The following PCDH10 variants were observed in gnomAD, a reference collection of about 807,000 sequenced individuals.
PCDH10 encodes the protein protocadherin-10.
In PCDH10, 15 loss-of-function variants were observed where a neutral mutation model predicts 74.4. That is an observed-to-expected ratio of 0.20 (90% CI 0.13 to 0.31). The LOEUF is 0.31. Among genes scored for constraint, PCDH10 ranks in the 10% least tolerant of loss-of-function variants. The pLI, the probability that PCDH10 is intolerant of heterozygous loss-of-function variation, is 1.00. For missense variants in PCDH10, 1,260 were observed against 1,390.2 expected, an observed-to-expected ratio of 0.91 and a Z score of 1.49; for synonymous variants, 619 against 589.8, an observed-to-expected ratio of 1.05 and a Z score of -0.72.
chr4:133,154,811 A>G, intron 2 of PCDH10, 106 bp from the exon 3 acceptor site: 4 of 740,682 alleles, frequency 5.4e-6, no homozygotes, highest in Non-Finnish European at 9.3e-6. Context: ...GCCAACTAAG[A>G]GGTCTGTGAG....
rs1199838796 is a variant in PCDH10, at chr4:133,193,984, T to C, written c.*3824T>C. On this transcript the variant is annotated 3_prime_UTR_variant, in exon 5 of 5. Coordinates refer to ENST00000264360, the MANE Select transcript of PCDH10 (RefSeq NM_032961.3). ...GTTAGTACTTCAACAAACATCCCTC[T>C]GCTAAGTCAGACAAAATCCTTATAC... 1 of 151,772 alleles carries C rather than the reference T, an allele frequency of 6.6e-6. No individual in the cohort carries two copies. The highest frequency in any genetic ancestry group is 1.5e-5 in the Non-Finnish European group (1 of 67,746). 9.4% of individuals were successfully genotyped at this position (151,772 alleles called of 1,614,324 possible).
In PCDH10 at chr4:133,152,635, C is replaced by T; in HGVS notation, c.2495C>T (p.Thr832Ile). Residue 832 changes from threonine to isoleucine, a missense_variant, in exon 1 of 5, where the codon ACC (threonine) becomes ATC (isoleucine). By Grantham distance (89) the Thr-to-Ile change is moderately conservative (BLOSUM62 -1). Coordinates refer to ENST00000264360, the MANE Select transcript of PCDH10 (RefSeq NM_032961.3). Reference protein sequence around the residue: ...QVCLTPESAKTDLMFLKPCSP... With the variant: ...QVCLTPESAKIDLMFLKPCSP... ...TGCCTGACCCCTGAGTCCGCCAAGA[C>T]CGACCTGATGTTTCTTAAGCCCTGC... The T allele has an allele frequency of 6.2e-7, 1 of 1,614,222 alleles. No homozygotes were observed. The highest frequency in any genetic ancestry group is 1.6e-4 in the Middle Eastern group (1 of 6,062).
intron 3 of PCDH10, among the ~76,000 whole-genome samples, chr4:133,155,969 T>G (rs1282177388): frequency 6.6e-6 from 1 of 152,222 alleles, no homozygotes; most frequent in Non-Finnish European, 1.5e-5. Context: ...ATTTGACACA[T>G]GAAGAAATAG....
chr4:133,171,680 T>C (rs1035785331), intron 4 of PCDH10, among the ~76,000 whole-genome samples: 6 of 152,120 alleles, frequency 3.9e-5, no homozygotes, highest in Non-Finnish European at 7.4e-5. Flanking sequence ...AGTCTATAGA[T>C]AAGAGAGTTA....
rs762102302 is a variant in PCDH10, at chr4:133,152,412, C to T, written c.2272C>T (p.Leu758Phe). Residue 758 changes from leucine to phenylalanine, a missense_variant, in exon 1 of 5, where the codon CTC becomes TTC. Coordinates refer to ENST00000264360, the MANE Select transcript of PCDH10 (RefSeq NM_032961.3). ...IYTCLASDCCLCCCCCGGGGS... is the reference protein window; with the variant it reads ...IYTCLASDCCFCCCCCGGGGS... ...TACTTGTCTGGCCAGCGATTGCTGCCTCTGCTGCTGCTGCTGCGGTGGCGG... is the reference window on the plus strand; with the variant it reads ...TACTTGTCTGGCCAGCGATTGCTGCTTCTGCTGCTGCTGCTGCGGTGGCGG... 29 of 1,614,056 alleles carry T rather than the reference C, an allele frequency of 1.8e-5. No homozygotes were observed. The South Asian group carries it at 2.9e-4, about 16-fold the overall frequency.
downstream of PCDH10, among the ~76,000 whole-genome samples, chr4:133,198,303 T>C (rs1379705451): frequency 6.6e-6 from 1 of 152,030 alleles, no homozygotes. Flanking sequence ...AAAATTGAAT[T>C]AAAGGCAGAG....
At position 133,193,045 on chromosome 4, in the gene PCDH10, C is replaced by G. The variant is rs1727714312; in HGVS notation, c.*2885C>G. On this transcript the variant is annotated 3_prime_UTR_variant, in exon 5 of 5. Coordinates refer to ENST00000264360, the MANE Select transcript of PCDH10 (RefSeq NM_032961.3). ...GAAAAAAAAATCATGTCATTTACTCCTTGTTAACATGGTTAGTTTTAGAGC... is the reference window on the plus strand; with the variant it reads ...GAAAAAAAAATCATGTCATTTACTCGTTGTTAACATGGTTAGTTTTAGAGC... The G allele has an allele frequency of 6.6e-6, 1 of 151,356 alleles. No homozygotes were observed. Among genetic ancestry groups the G allele is most frequent in the Non-Finnish European group, 1.5e-5 (1 of 67,542 alleles). The allele number at this position is 151,356 out of a possible 1,614,324, so 9.4% of individuals were successfully genotyped here.
downstream of PCDH10, chr4:133,194,715 A>T (rs1454484929): frequency 6.6e-6 from 1 of 151,958 alleles, no homozygotes; most frequent in Non-Finnish European, 1.5e-5. Context: ...ATGCTGATTT[A>T]GTAATTTTAG....
intron 2 of PCDH10, among the ~76,000 whole-genome samples, chr4:133,203,932 G>A (rs983266299): frequency 6.6e-6 from 1 of 152,124 alleles, no homozygotes; most frequent in African/African-American, 2.4e-5. Flanking sequence ...ACTTTTGCAT[G>A]CTGGTAAACA....
At chr4:133,161,700 T>C (rs1485882350) in intron 3 of PCDH10, among the ~76,000 whole-genome samples, 1 of 151,794 alleles carries the variant, frequency 6.6e-6, no homozygotes, top group Non-Finnish European at 1.5e-5. Flanking sequence ...TTTTTCAAAT[T>C]GATCCTCTTT....
intron 4 of PCDH10, chr4:133,163,860 G>A (rs1560708193): frequency 2.3e-6 from 1 of 434,648 alleles, no homozygotes; most frequent in Non-Finnish European, 4.5e-6. Flanking sequence ...AAATTGAAAA[G>A]TAAAAGAGTT....
chr4:133,170,657 G>C (rs1054949734), intron 4 of PCDH10, among the ~76,000 whole-genome samples: 3 of 152,048 alleles, frequency 2.0e-5, no homozygotes, highest in Non-Finnish European at 4.4e-5. Context: ...TTGAGAAACA[G>C]ATACATGATT....
Position 133,163,168 on chromosome 4 carries a change from G to C in PCDH10, c.2989G>C (p.Glu997Gln), listed in dbSNP as rs1727006743. Residue 997 changes from glutamate to glutamine, a missense_variant, in exon 4 of 5, where the codon GAG (glutamate) becomes CAG (glutamine). Glu to Gln is a conservative substitution (Grantham distance 29, BLOSUM62 2). Transcript: ENST00000264360. ...AACTCCAGAAGCCCAGCCTGGGGCA[G>C]AGCGGTCCTTTTCCACCTTTGGCAA... ...FETPEAQPGA[E>Q]RSFSTFGKEK... 1 of 1,614,160 alleles carries C rather than the reference G, an allele frequency of 6.2e-7. No individual in the cohort carries two copies. Among genetic ancestry groups the C allele is most frequent in the South Asian group, 1.1e-5 (1 of 91,084 alleles).
chr4:133,158,883 G>A (rs1320894707), intron 3 of PCDH10, among the ~76,000 whole-genome samples: 1 of 152,036 alleles, frequency 6.6e-6, no homozygotes, highest in Non-Finnish European at 1.5e-5. Context: ...ATGAAATATT[G>A]AGAGGAAATG....
intron 2 of PCDH10, among the ~76,000 whole-genome samples, chr4:133,204,362 C>G (rs189813091): frequency 6.6e-6 from 1 of 152,242 alleles, no homozygotes; most frequent in East Asian, 1.9e-4. Flanking sequence ...GTGAAGGTCA[C>G]TACGTTAGAT....
chr4:133,160,031 G>T (rs372903073), intron 3 of PCDH10, among the ~76,000 whole-genome samples: 2 of 151,882 alleles, frequency 1.3e-5, no homozygotes, highest in Non-Finnish European at 2.9e-5. Flanking sequence ...GTGAGGAATC[G>T]TAATGGAATA....
At chr4:133,181,586 T>A (rs953141218) in intron 4 of PCDH10, among the ~76,000 whole-genome samples, 1 of 152,044 alleles carries the variant, frequency 6.6e-6, no homozygotes, top group Non-Finnish European at 1.5e-5. Context: ...CACACTGTAT[T>A]TTTTCTGGCA....
At chr4:133,201,994 T>A (rs910803503) in intron 2 of PCDH10, among the ~76,000 whole-genome samples, 1 of 151,752 alleles carries the variant, frequency 6.6e-6, no homozygotes, top group African/African-American at 2.4e-5. Context: ...ATACAAGATA[T>A]CAAGGCAGCA....
rs1726636783 is a variant in PCDH10 at position 133,150,467 on chromosome 4, G to A, written c.327G>A (p.Glu109=). The change falls in exon 1 of 5, where the codon GAG becomes GAA. Residue 109 remains glutamate (E), a synonymous_variant. Coordinates refer to ENST00000264360, the MANE Select transcript of PCDH10 (RefSeq NM_032961.3). ...LENPLELFQV[E]IEVLDINDNP... ...ACCCCCTGGAGCTGTTCCAGGTGGA[G>A]ATCGAGGTGCTGGACATTAATGACA... 3 of 1,613,840 alleles carry A rather than the reference G, an allele frequency of 1.9e-6. No individual in the cohort carries two copies. Among genetic ancestry groups the A allele is most frequent in the East Asian group, 2.2e-5 (1 of 44,842 alleles).
Sources: gnomAD v4.1 joint callset for allele counts (sites outside exome capture counted in the v4.1 genomes callset) on GRCh38, gnomAD v4.1.1 for gene constraint, MANE v1.5 for transcripts, NCBI Gene and HGNC (gene_info 2026-07-23, HGNC 2026-07-21) for gene names.